MYRF: variants seen among roughly 807,000 people sequenced by gnomAD.
The protein encoded by MYRF is myelin regulatory factor, also known as myelin gene regulatory factor.
A neutral mutation model predicts 126.3 loss-of-function variants in MYRF; 16 were observed. The observed-to-expected ratio is 0.13, with a 90% CI of 0.09 to 0.19. The LOEUF (loss-of-function observed/expected upper bound fraction) is 0.19. Ranked by LOEUF, MYRF falls within the 10% of genes least tolerant of loss-of-function variation. The probability of loss-of-function intolerance (pLI) is 1.00; values close to 1 mark genes in which losing one functional copy is unlikely to be tolerated. For synonymous variants in MYRF, 608 were observed against 635.3 expected (o/e 0.96, Z 0.65); for missense variants, 1,104 against 1,547.0 (o/e 0.71, Z 4.80).
In MYRF at chr11:61,786,312, A is replaced by C. The variant is rs2066693980; in HGVS notation, c.*169A>C. The stretch of plus-strand genomic sequence containing the variant: ...GTCTTCACACTGGAGTTGCTGTTCC[A>C]GCTGGTCGCCCCTCACGGCACAGAG... On this transcript the variant is annotated 3_prime_UTR_variant, in exon 27 of 27. Transcript: ENST00000278836. The surrounding 1 kb of genome is among the most constrained non-coding windows in gnomAD (Gnocchi z 4.5). 2.9e-6 allele frequency: 2 copies of C among 682,334 alleles called. No homozygotes were observed. Among genetic ancestry groups the C allele is most frequent in the Non-Finnish European group, 5.0e-6 (2 of 399,248 alleles). 42.3% of individuals were successfully genotyped at this position (682,334 alleles called of 1,614,324 possible). A position where few individuals can be genotyped will look rare whatever the true frequency, so the allele number is the denominator to read the frequency against.
Position 61,757,138 on chromosome 11 carries a change from T to C in MYRF, c.46+4348T>C. 2.2e-6 allele frequency: 1 copy of C among 456,490 alleles called. No individual in the cohort carries two copies. Among genetic ancestry groups the C allele is most frequent in the South Asian group, 1.5e-5 (1 of 64,546 alleles). 28.3% of individuals were successfully genotyped at this position (456,490 alleles called of 1,614,324 possible). On this transcript the variant is annotated intron_variant, in intron 1 of 26. Coordinates refer to ENST00000278836, the MANE Select transcript of MYRF (RefSeq NM_001127392.3). This position sits in a 1 kb window ranked among gnomAD's most constrained non-coding sequence, Gnocchi z 4.7. ...CCTTCCTGGGCCTCAGTTTCTCTCA[T>C]TGCCTTGGGTGCTGGAGTATGTGGG... is the stretch of plus-strand genomic sequence containing the variant.
At chr11:61,774,191 G>A in intron 8 of MYRF, 29 bp downstream of exon 8, 1 of 1,571,666 alleles carries the variant, frequency 6.4e-7, no homozygotes, top group South Asian at 1.1e-5. Flanking sequence ...AAGGAAGGGA[G>A]GGCAGGAGGG....
Position 61,777,338 on chromosome 11 carries a change from C to T in MYRF, c.1665C>T (p.Phe555=), listed in dbSNP as rs371526253. ...GGGCACAGGTGCCCGACACCGTCTT[C>T]CACCACGGCCGCGTGGGCATCAACA... The part of the protein sequence containing the change: ...WQRAQVPDTV[F]HHGRVGINTD... Residue 555 remains phenylalanine, a synonymous_variant, in exon 12 of 27, where the codon TTC becomes TTT. Transcript: ENST00000278836. The surrounding 1 kb of genome is among the most constrained non-coding windows in gnomAD (Gnocchi z 8.8). The T allele has an allele frequency of 4.3e-6, 7 of 1,613,560 alleles. No individual in the cohort carries two copies. Among genetic ancestry groups the T allele is most frequent in the Non-Finnish European group, 5.9e-6 (7 of 1,180,052 alleles).
chr11:61,761,237 C>T (rs2065887551), intron 1 of MYRF, among the ~76,000 whole-genome samples: 1 of 150,630 alleles, frequency 6.6e-6, no homozygotes, highest in Non-Finnish European at 1.5e-5. Context: ...ATGGCCGAGA[C>T]TCAGCCAACG....
Position 61,786,233 on chromosome 11 carries a change from C to A in MYRF, c.*90C>A. The A allele has an allele frequency of 8.0e-7, 1 of 1,246,184 alleles. No homozygotes were observed. The highest frequency in any genetic ancestry group is 1.2e-6 in the Non-Finnish European group (1 of 859,278). The allele number at this position is 1,246,184 out of a possible 1,614,324, so 77.2% of individuals were successfully genotyped here. On this transcript the variant is annotated 3_prime_UTR_variant, in exon 27 of 27. Coordinates refer to ENST00000278836, the MANE Select transcript of MYRF (RefSeq NM_001127392.3). The surrounding 1 kb of genome is among the most constrained non-coding windows in gnomAD (Gnocchi z 4.5). ...TGCAATGGTGTTACACTGGAGCCCG[C>A]TGCAGGCCAGCTCTGCTGTTCACTG...
chr11:61,778,514 G>C lies in MYRF; in HGVS notation c.2013+25G>C. 6.5e-7 allele frequency: 1 copy of C among 1,540,816 alleles called. No homozygotes were observed. Among genetic ancestry groups the C allele is most frequent in the East Asian group, 2.2e-5 (1 of 44,508 alleles). ...GGTCTGTGGGTGGGGGAATGGGAGGGAGCCCAGAGGCAAGTGGGGAGCCAG... is the reference window on the plus strand; with the variant it reads ...GGTCTGTGGGTGGGGGAATGGGAGGCAGCCCAGAGGCAAGTGGGGAGCCAG... On this transcript the variant is annotated intron_variant, in intron 14 of 26. Transcript: ENST00000278836. This position sits in a 1 kb window ranked among gnomAD's most constrained non-coding sequence, Gnocchi z 4.6.
At chr11:61,782,506 C>G (rs1041274897) in intron 22 of MYRF, 3 of 152,300 alleles carry the variant, frequency 2.0e-5, no homozygotes, top group Admixed American at 1.3e-4. Context: ...AGCTGCCTGC[C>G]ACTCTGTGGC....
intron 26 of MYRF, 75 bp downstream of exon 26, chr11:61,785,949 G>T (rs2066682948): frequency 6.4e-7 from 1 of 1,566,692 alleles, no homozygotes; most frequent in Non-Finnish European, 8.8e-7. Flanking sequence ...GGAATGGGGG[G>T]TTTGCACAGT....
rs201312715 is a variant in MYRF, at chr11:61,757,692, G to A, written c.46+4902G>A. The A allele has an allele frequency of 1.5e-5, 6 of 388,072 alleles. No homozygotes were observed. In the East Asian group the frequency reaches 2.2e-4, roughly 14 times the overall value. 24.0% of individuals were successfully genotyped at this position (388,072 alleles called of 1,614,324 possible). A position where few individuals can be genotyped will look rare whatever the true frequency, so the allele number is the denominator to read the frequency against. On this transcript the variant is annotated intron_variant, in intron 1 of 26. Transcript: ENST00000278836. The surrounding 1 kb of genome is among the most constrained non-coding windows in gnomAD (Gnocchi z 4.7). ...GTTCTGTTCTTGCTGCCAGCAAGGA[G>A]GAGGGGCTTGGCTGTATTGTGACTT... is the stretch of plus-strand genomic sequence containing the variant.
intron 1 of MYRF, among the ~76,000 whole-genome samples, chr11:61,758,433 T>C (rs1320528237): frequency 6.6e-6 from 1 of 151,956 alleles, no homozygotes; most frequent in Admixed American, 6.5e-5. Flanking sequence ...GTTCACTCAG[T>C]GGGGCCTGGC....
rs2065714974 is a variant in MYRF at position 61,755,248 on chromosome 11, G to A, written c.46+2458G>A. 4.5e-6 allele frequency: 4 copies of A among 887,274 alleles called. No individual in the cohort carries two copies. The African/African-American group carries it at 6.8e-5, about 15-fold the overall frequency. 55.0% of individuals were successfully genotyped at this position (887,274 alleles called of 1,614,324 possible). ...AGGTGCTGGGTCCTGCCCTGTGCCG[G>A]TGGTGGGCTGGGGGCTAAGGCGCTT... On this transcript the variant is annotated intron_variant, in intron 1 of 26. Coordinates refer to ENST00000278836, the MANE Select transcript of MYRF (RefSeq NM_001127392.3).
At chr11:61,762,483 T>C (rs1591084376) in intron 1 of MYRF, among the ~76,000 whole-genome samples, 1 of 152,310 alleles carries the variant, frequency 6.6e-6, no homozygotes, top group African/African-American at 2.4e-5. Flanking sequence ...CATGTTCCGC[T>C]TCCTGCCTGG....
chr11:61,766,561 C>T (rs888349203), intron 3 of MYRF: 3 of 303,936 alleles, frequency 9.9e-6, no homozygotes, highest in South Asian at 6.7e-5. Flanking sequence ...CCTGCATACC[C>T]GTGCACGCGC....
chr11:61,769,278 C>T lies in MYRF; in HGVS notation c.417C>T (p.Pro139=), dbSNP rs1224604381. 1 of 1,607,898 alleles carries T rather than the reference C, an allele frequency of 6.2e-7. No homozygotes were observed. Among genetic ancestry groups the T allele is most frequent in the Admixed American group, 1.7e-5 (1 of 59,552 alleles). ...PYAPGTLPDS[P]PDSGSEAYSP... is the part of the protein sequence containing the mutation. ...CTCGCAGCACACTGCCGGACTCTCC[C>T]CCAGACTCGGGCTCCGAGGCCTACT... Residue 139 remains proline (P), a synonymous_variant, in exon 4 of 27, where the codon CCC becomes CCT. Coordinates refer to ENST00000278836, the MANE Select transcript of MYRF (RefSeq NM_001127392.3).
intron 1 of MYRF, among the ~76,000 whole-genome samples, chr11:61,758,806 T>G (rs1485802237): frequency 6.6e-6 from 1 of 152,266 alleles, no homozygotes; most frequent in Non-Finnish European, 1.5e-5. Context: ...TTGTCCCTTT[T>G]GCTCACTGCT....
At position 61,779,246 on chromosome 11, in the gene MYRF, C is replaced by G; in HGVS notation, c.2014-17C>G. ...CTCTGTGTTGGCCCATGGCCCATGG[C>G]CCATGGCCCATGGCAGGAGCGCATC... On this transcript the variant is annotated splice_polypyrimidine_tract_variant and intron_variant, in intron 14 of 26. Coordinates refer to ENST00000278836, the MANE Select transcript of MYRF (RefSeq NM_001127392.3). The G allele has an allele frequency of 6.5e-7, 1 of 1,537,064 alleles. No homozygotes were observed. Among genetic ancestry groups the G allele is most frequent in the Non-Finnish European group, 8.7e-7 (1 of 1,145,542 alleles).
At chr11:61,768,882 GC>G in intron 3 of MYRF, 1 of 196,326 alleles carries the variant, frequency 5.1e-6, no homozygotes, top group Non-Finnish European at 1.0e-5. Flanking sequence ...CTGAGGCCCA[GC>G]CCCCTAGGGC....
rs1349917549 is a variant in MYRF at position 61,780,722 on chromosome 11, G to A, written c.2416G>A (p.Val806Met). ...DLVDTDGSFA[V>M]STSCLLALLR... is the part of the protein sequence containing the mutation. ...TTTGCTGCCCCTTAGCTCTTTTGCC[G>A]TGTCCACTTCCTGTCTCCTGGCCCT... Residue 806 changes from valine (V) to methionine (M), a missense_variant, in exon 19 of 27, where the codon GTG becomes ATG. Physicochemically the swap from Val to Met is conservative, Grantham distance 21. Coordinates refer to ENST00000278836, the MANE Select transcript of MYRF (RefSeq NM_001127392.3). 7.1e-6 allele frequency: 11 copies of A among 1,549,746 alleles called. No individual in the cohort carries two copies. Among genetic ancestry groups the A allele is most frequent in the Middle Eastern group, 1.7e-4 (1 of 5,988 alleles).
At chr11:61,764,018 C>T (rs2065976658) in intron 1 of MYRF, among the ~76,000 whole-genome samples, 1 of 152,244 alleles carries the variant, frequency 6.6e-6, no homozygotes, top group Non-Finnish European at 1.5e-5. Context: ...CCCAGGCACA[C>T]AGACTGGCCA....
Sources: allele counts gnomAD v4.1 joint callset (sites outside exome capture counted in the v4.1 genomes callset), GRCh38; gene constraint gnomAD v4.1.1; non-coding constraint Gnocchi (gnomAD v3.1); transcripts MANE v1.5; gene names NCBI Gene and HGNC (gene_info 2026-07-23, HGNC 2026-07-21).